PPA2: variants seen among roughly 807,000 people sequenced by gnomAD.
PPA2 encodes inorganic pyrophosphatase 2, mitochondrial.
In PPA2, 48 loss-of-function variants were observed where a neutral mutation model predicts 49.5. The ratio of observed to expected loss-of-function variants is 0.97; its 90% confidence interval spans 0.77 to 1.23. PPA2 has a LOEUF of 1.23. Ranked by LOEUF, PPA2 falls within the 50% of genes most tolerant of loss-of-function variation. The pLI is 0.00. For missense variants in PPA2, 429 were observed against 410.1 expected (o/e 1.05, Z -0.40); for synonymous variants, 131 against 139.9 (o/e 0.94, Z 0.45).
chr4:105,410,275 T>C (rs1722690765), intron 7 of PPA2, among the ~76,000 whole-genome samples: 1 of 152,148 alleles, frequency 6.6e-6, no homozygotes, highest in Non-Finnish European at 1.5e-5. Context: ...ATGCAAAAGC[T>C]TCAACAGCTG....
intron 5 of PPA2, among the ~76,000 whole-genome samples, chr4:105,442,819 C>T (rs1724427870): frequency 6.6e-6 from 1 of 152,220 alleles, no homozygotes; most frequent in African/African-American, 2.4e-5. Context: ...TCTAAGTACA[C>T]AGTTGGCTCA....
chr4:105,473,787 A>C lies in PPA2; in HGVS notation c.157+107T>G, dbSNP rs770606551. On this transcript the variant is annotated intron_variant, in intron 1 of 11. Transcript: ENST00000341695. ...CCGCGCGGCTACCGCTGAGGGCCCC[A>C]AAAAGAGAGAAGGGAGACCGCGCGG... The C allele has an allele frequency of 1.2e-5, 18 of 1,494,580 alleles. No homozygotes were observed. The East Asian group carries it at 3.7e-4, about 31-fold the overall frequency. 92.6% of individuals were successfully genotyped at this position (1,494,580 alleles called of 1,614,324 possible). A position where few individuals can be genotyped will look rare whatever the true frequency, so the allele number is the denominator to read the frequency against.
intron 1 of PPA2, among the ~76,000 whole-genome samples, chr4:105,466,396 A>T (rs1723302584): frequency 2.0e-5 from 3 of 152,020 alleles, no homozygotes; most frequent in Admixed American, 2.0e-4. Flanking sequence ...GTGCAGAAGC[A>T]ATGATTATGT....
chr4:105,463,382 A>G lies in PPA2; in HGVS notation c.158-6637T>C, dbSNP rs140995898. 3.0e-3 allele frequency among the ~76,000 whole-genome samples: 453 copies of G among 152,350 alleles called. 5 individuals carry two copies. The highest frequency in any genetic ancestry group is 0.011 in the African/African-American group (437 of 41,576). ...GTGGAGGAAGAAATTTCTAAGAAGCAAAGCATTCAATAGGTGACTTGGGTG... is the reference window on the plus strand; with the variant it reads ...GTGGAGGAAGAAATTTCTAAGAAGCGAAGCATTCAATAGGTGACTTGGGTG... On this transcript the variant is annotated intron_variant, in intron 1 of 11. Transcript: ENST00000341695.
chr4:105,408,161 G>A (rs762266616), intron 7 of PPA2, among the ~76,000 whole-genome samples: 5 of 152,100 alleles, frequency 3.3e-5, no homozygotes, highest in Non-Finnish European at 7.4e-5. Context: ...TGAAAAAAGT[G>A]GCAATTAACC....
chr4:105,430,115 A>AG (rs763359895), intron 6 of PPA2, among the ~76,000 whole-genome samples: 15 of 152,258 alleles, frequency 9.9e-5, no homozygotes, highest in Non-Finnish European at 1.9e-4. Flanking sequence ...TAAATTTCTC[A>AG]GAATTCAAAA....
At chr4:105,402,810 G>A (rs1722271831) in intron 7 of PPA2, among the ~76,000 whole-genome samples, 1 of 152,216 alleles carries the variant, frequency 6.6e-6, no homozygotes, top group Middle Eastern at 3.4e-3. Context: ...ACTATGATGA[G>A]GGCCTAGACA....
chr4:105,423,858 G>GCTT (rs1723363414), intron 7 of PPA2, among the ~76,000 whole-genome samples: 1 of 152,186 alleles, frequency 6.6e-6, no homozygotes, highest in South Asian at 2.1e-4. Flanking sequence ...AGTATCGTAT[G>GCTT]CTTTTATTCC....
At chr4:105,391,869 T>C (rs1733934989) in intron 9 of PPA2, among the ~76,000 whole-genome samples, 3 of 151,758 alleles carry the variant, frequency 2.0e-5, no homozygotes, top group Non-Finnish European at 4.4e-5. Flanking sequence ...AGGAGAATGA[T>C]TGTTAATAAA....
At chr4:105,432,646 T>G (rs1037920983) in intron 6 of PPA2, among the ~76,000 whole-genome samples, 1 of 152,226 alleles carries the variant, frequency 6.6e-6, no homozygotes, top group African/African-American at 2.4e-5. Context: ...ACGGGCAGCA[T>G]GCAGCCCAGG....
At chr4:105,461,201 G>A (rs1217173774) in intron 1 of PPA2, among the ~76,000 whole-genome samples, 1 of 152,076 alleles carries the variant, frequency 6.6e-6, no homozygotes, top group African/African-American at 2.4e-5. Flanking sequence ...GGAAAGCAGA[G>A]CTTTATTTCT....
intron 9 of PPA2, among the ~76,000 whole-genome samples, chr4:105,390,038 C>T (rs1457464313): frequency 6.6e-6 from 1 of 152,124 alleles, no homozygotes; most frequent in Non-Finnish European, 1.5e-5. Flanking sequence ...CTCAACAAAC[C>T]AGATGAAAAC....
intron 7 of PPA2, among the ~76,000 whole-genome samples, chr4:105,409,957 A>G (rs1246933412): frequency 6.6e-6 from 1 of 152,232 alleles, no homozygotes; most frequent in African/African-American, 2.4e-5. Context: ...AGATGGGGAG[A>G]AAACAGAATA....
chr4:105,440,920 C>T (rs1396558031), intron 5 of PPA2, among the ~76,000 whole-genome samples: 4 of 152,132 alleles, frequency 2.6e-5, no homozygotes, highest in Non-Finnish European at 5.9e-5. Flanking sequence ...TCCTTACCAG[C>T]AAAAATACCA....
rs57073135 is a variant in PPA2, at chr4:105,458,818, CAAAAAAAAAAAAAAAAA to C, written c.158-2090_158-2074del. On this transcript the variant is annotated intron_variant, in intron 1 of 11. Coordinates refer to ENST00000341695, the MANE Select transcript of PPA2 (RefSeq NM_176869.3). Reference sequence around the variant, plus strand: ...GCCTGGCGACACAAGACTCCACCTCCAAAAAAAAAAAAAAAAAAAAAAAAAAAGGCATGTAACTTAAC... The same window carrying C: ...GCCTGGCGACACAAGACTCCACCTCCAAAAAAAAAAGGCATGTAACTTAAC... Among the ~76,000 whole-genome samples, 77 of 31,532 alleles carry C rather than the reference CAAAAAAAAAAAAAAAAA, an allele frequency of 2.4e-3. 1 individual carries two copies. Among genetic ancestry groups the C allele is most frequent in the Non-Finnish European group, 4.9e-3 (66 of 13,420 alleles). The allele number at this position is 31,532 out of a possible 152,430, so 20.7% of individuals were successfully genotyped here.
chr4:105,442,138 G>A lies in PPA2; in HGVS notation c.442-4102C>T, dbSNP rs115994531. On this transcript the variant is annotated intron_variant, in intron 5 of 11. Coordinates refer to ENST00000341695, the MANE Select transcript of PPA2 (RefSeq NM_176869.3). ...TCTTGTCTTGGGCTCCCAAAGAACT[G>A]GAATTACAGGGATGAGCCATCACCT... 6.8e-3 allele frequency among the ~76,000 whole-genome samples: 1,040 copies of A among 152,104 alleles called. 14 individuals are homozygous for A. The highest frequency in any genetic ancestry group is 0.024 in the African/African-American group (980 of 41,480).
chr4:105,406,360 G>A (rs772756174), intron 7 of PPA2, among the ~76,000 whole-genome samples: 5 of 152,014 alleles, frequency 3.3e-5, no homozygotes, highest in Admixed American at 6.6e-5. Flanking sequence ...GTCTCAGAAC[G>A]CAGGTAAGAA....
intron 1 of PPA2, 39 bp from the exon 2 acceptor site, chr4:105,456,784 A>G (rs1722763174): frequency 6.7e-7 from 1 of 1,493,372 alleles, no homozygotes; most frequent in Non-Finnish European, 9.2e-7. Context: ...ACAGAATTAA[A>G]GCAATAGACA....
At chr4:105,396,192 TG>T in intron 9 of PPA2, 56 bp downstream of exon 9, 1 of 1,074,456 alleles carries the variant, frequency 9.3e-7, no homozygotes, top group Non-Finnish European at 1.3e-6. Context: ...GATTATTATG[TG>T]GCTGTTTAAT....
Sources: gnomAD v4.1 joint callset for allele counts (sites outside exome capture counted in the v4.1 genomes callset) on GRCh38, gnomAD v4.1.1 for gene constraint, MANE v1.5 for transcripts, NCBI Gene and HGNC (gene_info 2026-07-23, HGNC 2026-07-21) for gene names.